Variants in RAB3IP observed in about 807,000 individuals in gnomAD.
RAB3IP encodes rab-3A-interacting protein.
In RAB3IP, 36 loss-of-function variants were observed where a neutral mutation model predicts 59.1. That is an observed-to-expected ratio of 0.61 (90% CI 0.47 to 0.80). The LOEUF is 0.80. Ranked by LOEUF, RAB3IP falls within the 30% of genes least tolerant of loss-of-function variation. The probability of loss-of-function intolerance (pLI) is 0.00; values close to 1 mark genes in which losing one functional copy is unlikely to be tolerated. For synonymous variants in RAB3IP, 207 were observed against 191.2 expected (o/e 1.08, Z -0.68); for missense variants, 511 against 536.0 (o/e 0.95, Z 0.46).
chr12:69,780,486 C>T (rs1463514413), intron 3 of RAB3IP, among the ~76,000 whole-genome samples: 1 of 152,108 alleles, frequency 6.6e-6, no homozygotes, highest in East Asian at 1.9e-4. Flanking sequence ...CCCCTAGAAG[C>T]TCCCTGCACA....
intron 3 of RAB3IP, among the ~76,000 whole-genome samples, chr12:69,763,714 C>T (rs1763640515): frequency 6.6e-6 from 1 of 152,080 alleles, no homozygotes; most frequent in South Asian, 2.1e-4. Flanking sequence ...TCCTGTCACC[C>T]TGGTACTGAG....
intron 8 of RAB3IP, among the ~76,000 whole-genome samples, chr12:69,804,088 T>G (rs560194148): frequency 1.4e-4 from 22 of 152,258 alleles, no homozygotes; most frequent in Middle Eastern, 3.4e-3. Flanking sequence ...ACTTCCACAA[T>G]GGTTGAACTA....
intron 3 of RAB3IP, among the ~76,000 whole-genome samples, chr12:69,766,262 A>G (rs1249436054): frequency 6.6e-6 from 1 of 151,954 alleles, no homozygotes. Flanking sequence ...CAGGTTGTTT[A>G]CTTTTTCTTC....
chr12:69,757,883 T>G (rs945792014), intron 3 of RAB3IP, among the ~76,000 whole-genome samples: 1 of 152,208 alleles, frequency 6.6e-6, no homozygotes, highest in African/African-American at 2.4e-5. Flanking sequence ...TGAGAACACA[T>G]GGTTATTGAT....
chr12:69,791,904 A>G (rs879105169), intron 4 of RAB3IP, among the ~76,000 whole-genome samples: 2 of 152,234 alleles, frequency 1.3e-5, no homozygotes, highest in Admixed American at 1.3e-4. Flanking sequence ...AAGTTATGGA[A>G]ACAAGTTATA....
chr12:69,798,359 T>C (rs1213705672), intron 6 of RAB3IP, among the ~76,000 whole-genome samples: 8 of 147,666 alleles, frequency 5.4e-5, no homozygotes, highest in African/African-American at 1.0e-4. Flanking sequence ...TCGCCCACTT[T>C]TTGATGGGGT....
chr12:69,790,960 A>G (rs547874501), intron 4 of RAB3IP, among the ~76,000 whole-genome samples: 1 of 152,208 alleles, frequency 6.6e-6, no homozygotes, highest in Non-Finnish European at 1.5e-5. Flanking sequence ...ACAAAGTTAC[A>G]GCAGTAAAAA....
chr12:69,741,131 A>G (rs1304820659), intron 1 of RAB3IP, among the ~76,000 whole-genome samples: 1 of 152,242 alleles, frequency 6.6e-6, no homozygotes, highest in South Asian at 2.1e-4. Context: ...ATACTCCATT[A>G]GAGATGTGGG....
intron 1 of RAB3IP, among the ~76,000 whole-genome samples, chr12:69,749,609 G>T (rs1868904203): frequency 6.6e-6 from 1 of 152,240 alleles, no homozygotes; most frequent in Non-Finnish European, 1.5e-5. Context: ...AGCTAATGGA[G>T]TAACTGCGTT....
In RAB3IP at chr12:69,756,502, G is replaced by T. The variant is rs1870243668; in HGVS notation, c.349G>T (p.Glu117Ter). ...AAAGGACAACTATAATGCAGAGAGA[G>T]AGTTTTTACAGGGTGCTACTATAAC... ...TRKDNYNAER[E>*]FLQGATITEA... The change falls in exon 3 of 11, where the codon GAG (glutamate) becomes TAG (stop). Residue 117 changes from glutamate to a stop codon, truncating the protein, a stop_gained. Transcript: ENST00000247833. LOFTEE classifies it high-confidence loss of function. 1 of 1,614,032 alleles carries T rather than the reference G, an allele frequency of 6.2e-7. No individual in the cohort carries two copies. Among genetic ancestry groups the T allele is most frequent in the Non-Finnish European group, 8.5e-7 (1 of 1,180,012 alleles).
chr12:69,814,447 T>C (rs1348606299), intron 10 of RAB3IP, among the ~76,000 whole-genome samples: 1 of 152,148 alleles, frequency 6.6e-6, no homozygotes, highest in Non-Finnish European at 1.5e-5. Flanking sequence ...ACAAAGGATT[T>C]AGGGCAGCTA....
chr12:69,738,295 G>T (rs1886873347), upstream of RAB3IP: 1 of 151,960 alleles, frequency 6.6e-6, no homozygotes, highest in Non-Finnish European at 1.5e-5. Context: ...ACCTAAAGTG[G>T]GGTAGAAGTT....
At chr12:69,760,847 A>T (rs1014588958) in intron 3 of RAB3IP, among the ~76,000 whole-genome samples, 16 of 152,188 alleles carry the variant, frequency 1.1e-4, no homozygotes, top group African/African-American at 3.6e-4. Flanking sequence ...TCACTGGCAT[A>T]AGCAATGTGA....
chr12:69,753,673 G>A (rs543858675), intron 1 of RAB3IP, among the ~76,000 whole-genome samples: 2 of 152,200 alleles, frequency 1.3e-5, no homozygotes, highest in African/African-American at 2.4e-5. Context: ...TAAGTTCCGG[G>A]AAGATGTTAT....
chr12:69,795,019 C>T, intron 5 of RAB3IP, 122 bp from the exon 6 acceptor site: 1 of 738,882 alleles, frequency 1.4e-6, no homozygotes, highest in Non-Finnish European at 2.2e-6. Flanking sequence ...TATTACTCCA[C>T]AGGAAATACA....
chr12:69,756,318 G>A, intron 2 of RAB3IP, 87 bp from the exon 3 acceptor site: 1 of 1,357,276 alleles, frequency 7.4e-7, no homozygotes. Flanking sequence ...ACCAAATTGG[G>A]TAGTACAGTT....
chr12:69,805,472 G>A (rs1344150306), intron 8 of RAB3IP, among the ~76,000 whole-genome samples: 2 of 152,128 alleles, frequency 1.3e-5, no homozygotes, highest in South Asian at 2.1e-4. Flanking sequence ...TCTTTTCCTA[G>A]TTGAATGCCC....
chr12:69,752,113 C>G (rs1869423489), intron 1 of RAB3IP, among the ~76,000 whole-genome samples: 1 of 150,852 alleles, frequency 6.6e-6, no homozygotes, highest in South Asian at 2.1e-4. Flanking sequence ...AAGCCATCCT[C>G]CCATCTTAGC....
chr12:69,802,841 T>G (rs562784442), intron 8 of RAB3IP, among the ~76,000 whole-genome samples: 2 of 152,208 alleles, frequency 1.3e-5, no homozygotes, highest in Non-Finnish European at 2.9e-5. Flanking sequence ...GGAGGGTTCC[T>G]AGTCATATGT....
Sources: allele counts gnomAD v4.1 joint callset (sites outside exome capture counted in the v4.1 genomes callset), GRCh38; gene constraint gnomAD v4.1.1; transcripts MANE v1.5; gene names NCBI Gene and HGNC (gene_info 2026-07-23, HGNC 2026-07-21).